The following ARL15 variants were observed in gnomAD, a reference collection of about 807,000 sequenced individuals.
ARL15 encodes the protein ARF like GTPase 15.
ARL15 carries 19 observed loss-of-function variants against 25.2 expected under a neutral mutation model. The ratio of observed to expected loss-of-function variants is 0.75; its 90% CI spans 0.53 to 1.10. The LOEUF (loss-of-function observed/expected upper bound fraction) is 1.10, where lower values mean the gene tolerates loss of function less well. Ranked by LOEUF, ARL15 falls within the 50% of genes least tolerant of loss-of-function variation. ARL15 has a pLI of 0.00. For synonymous variants in ARL15, 94 were observed against 86.8 expected, an observed-to-expected ratio of 1.08 and a Z score of -0.46; for missense variants, 220 against 246.0, an observed-to-expected ratio of 0.89 and a Z score of 0.71.
chr5:54,232,863 C>T (rs1435182644), intron 1 of ARL15, among the ~76,000 whole-genome samples: 2 of 152,210 alleles, frequency 1.3e-5, no homozygotes, highest in East Asian at 1.9e-4. Flanking sequence ...GGCTTCACAA[C>T]ACCCAGTTCT....
chr5:53,967,628 C>T (rs1015624439), intron 4 of ARL15, among the ~76,000 whole-genome samples: 12 of 152,230 alleles, frequency 7.9e-5, no homozygotes, highest in South Asian at 2.1e-4. Flanking sequence ...TAACCTAAGA[C>T]TTGTGAGGTG....
intron 4 of ARL15, among the ~76,000 whole-genome samples, chr5:54,088,736 C>T (rs906876530): frequency 6.6e-6 from 1 of 152,186 alleles, no homozygotes; most frequent in African/African-American, 2.4e-5. Context: ...CCTTTTCATA[C>T]TGTAAGTGTT....
chr5:54,132,283 T>C (rs1191246954), intron 3 of ARL15, among the ~76,000 whole-genome samples: 2 of 152,074 alleles, frequency 1.3e-5, no homozygotes, highest in African/African-American at 4.8e-5. Flanking sequence ...TCTCCAAATT[T>C]AATGAATATG....
chr5:54,129,835 T>C (rs1753378461), intron 3 of ARL15, among the ~76,000 whole-genome samples: 1 of 152,250 alleles, frequency 6.6e-6, no homozygotes, highest in Non-Finnish European at 1.5e-5. Flanking sequence ...TTTTGGTATA[T>C]ATCTAAAAGA....
chr5:53,965,624 CT>C (rs755943456), intron 4 of ARL15, among the ~76,000 whole-genome samples: 191 of 142,092 alleles, frequency 1.3e-3, no homozygotes, highest in African/African-American at 2.1e-3. Context: ...TTCTGTTTTT[CT>C]TTTTTTTTTT....
chr5:53,917,627 G>T (rs1366121578), intron 4 of ARL15, among the ~76,000 whole-genome samples: 1 of 152,120 alleles, frequency 6.6e-6, no homozygotes, highest in Non-Finnish European at 1.5e-5. Flanking sequence ...TTACAAATGT[G>T]ACCAGTTTAT....
chr5:53,886,625 T>C lies in ARL15; in HGVS notation c.551A>G (p.Lys184Arg). The part of the protein sequence containing the change: ...PCSLDDMDAL[K>R]DSFSQLINLL... ...ATTAATCAGCTGAGAGAAGCTGTCTTTCAGTGCATCCATGTCATCCAGTGA... is the reference window on the plus strand; with the variant it reads ...ATTAATCAGCTGAGAGAAGCTGTCTCTCAGTGCATCCATGTCATCCAGTGA... The change falls in exon 5 of 5, where the codon AAA becomes AGA. Residue 184 changes from lysine to arginine, a missense_variant. Transcript: ENST00000504924. 6.4e-7 allele frequency: 1 copy of C among 1,569,740 alleles called. No individual in the cohort carries two copies. The highest frequency in any genetic ancestry group is 2.3e-5 in the East Asian group (1 of 42,964).
chr5:53,892,271 C>G (rs1744738646), intron 4 of ARL15, among the ~76,000 whole-genome samples: 1 of 152,228 alleles, frequency 6.6e-6, no homozygotes, highest in African/African-American at 2.4e-5. Context: ...AAACAGGTCT[C>G]ATGAAGGAGT....
intron 2 of ARL15, among the ~76,000 whole-genome samples, chr5:54,157,502 C>T (rs537852912): frequency 3.3e-5 from 5 of 152,268 alleles, no homozygotes; most frequent in African/African-American, 1.2e-4. Context: ...ACCTCCATCT[C>T]CCGGGTTCAC....
chr5:54,045,485 G>A (rs1271829757), intron 4 of ARL15, among the ~76,000 whole-genome samples: 2 of 151,888 alleles, frequency 1.3e-5, no homozygotes, highest in Non-Finnish European at 2.9e-5. Context: ...CGTCATATCA[G>A]ATACAGATTG....
chr5:54,279,392 T>C (rs902994196), intron 1 of ARL15, among the ~76,000 whole-genome samples: 1 of 152,186 alleles, frequency 6.6e-6, no homozygotes, highest in South Asian at 2.1e-4. Flanking sequence ...GGTCAGTTTC[T>C]GTTGAGGGAT....
At position 54,168,647 on chromosome 5, in the gene ARL15, G is replaced by A. The variant is rs554247406; in HGVS notation, c.193+3137C>T. 1.4e-4 allele frequency among the ~76,000 whole-genome samples: 21 copies of A among 152,006 alleles called. No homozygotes were observed. The South Asian group carries it at 3.7e-3, about 27-fold the overall frequency. On this transcript the variant is annotated intron_variant, in intron 2 of 4. Transcript: ENST00000504924. Reference sequence around the variant, plus strand: ...TCTCTGCATGCTGTGCCTTAACCCAGTAAGACCACTAATCTTTCTCTGAAT... The same window carrying A: ...TCTCTGCATGCTGTGCCTTAACCCAATAAGACCACTAATCTTTCTCTGAAT...
intron 4 of ARL15, among the ~76,000 whole-genome samples, chr5:54,067,665 G>T (rs55954815): frequency 0.015 from 2,314 of 152,286 alleles, 20 homozygotes; most frequent in Admixed American, 0.021. Flanking sequence ...CCAGAGCAAT[G>T]AACAATTTAG....
intron 1 of ARL15, among the ~76,000 whole-genome samples, chr5:54,248,853 C>G (rs1757162237): frequency 6.6e-6 from 1 of 152,018 alleles, no homozygotes; most frequent in Non-Finnish European, 1.5e-5. Context: ...CTCCCCAAGA[C>G]AGAAAAAGAG....
At chr5:54,069,186 G>A (rs543551438) in intron 4 of ARL15, among the ~76,000 whole-genome samples, 4 of 152,140 alleles carry the variant, frequency 2.6e-5, no homozygotes, top group Admixed American at 2.0e-4. Flanking sequence ...TGGATGATGA[G>A]GGTAATAATG....
In ARL15 at chr5:53,903,931, T is replaced by A. The variant is rs191969828; in HGVS notation, c.463-17218A>T. Among the ~76,000 whole-genome samples, 101 of 152,272 alleles carry A rather than the reference T, an allele frequency of 6.6e-4. 1 individual carries two copies. Among genetic ancestry groups the A allele is most frequent in the African/African-American group, 2.3e-3 (96 of 41,554 alleles). Reference sequence around the variant, plus strand: ...ATGGAGCTTACATGGTGGCCAGCGATACTGACAGATATCAAGTAACTAAGT... The same window carrying A: ...ATGGAGCTTACATGGTGGCCAGCGAAACTGACAGATATCAAGTAACTAAGT... On this transcript the variant is annotated intron_variant, in intron 4 of 4. Transcript: ENST00000504924.
chr5:53,978,837 A>C (rs1748030709), intron 4 of ARL15, among the ~76,000 whole-genome samples: 1 of 152,164 alleles, frequency 6.6e-6, no homozygotes, highest in African/African-American at 2.4e-5. Flanking sequence ...AATTGAGGTT[A>C]AGTTTCTATA....
chr5:54,013,540 A>G lies in ARL15; in HGVS notation c.462+99662T>C, dbSNP rs192560494. Reference sequence around the variant, plus strand: ...AAGCCACAAGATTAGAATTATGGGAAGGGCCTGAATTCTGGTAAGATGCAG... The same window carrying G: ...AAGCCACAAGATTAGAATTATGGGAGGGGCCTGAATTCTGGTAAGATGCAG... On this transcript the variant is annotated intron_variant, in intron 4 of 4. Transcript: ENST00000504924. Among the ~76,000 whole-genome samples the G allele has an allele frequency of 5.4e-3, 824 of 152,346 alleles. 4 individuals are homozygous for G. Among genetic ancestry groups the G allele is most frequent in the Admixed American group, 0.011 (169 of 15,304 alleles).
chr5:54,252,188 A>C (rs932304708), intron 1 of ARL15, among the ~76,000 whole-genome samples: 1 of 152,168 alleles, frequency 6.6e-6, no homozygotes, highest in Non-Finnish European at 1.5e-5. Context: ...ATGTGTTAGG[A>C]AACTCCTGAA....
Sources: gnomAD v4.1 joint callset for allele counts (sites outside exome capture counted in the v4.1 genomes callset) on GRCh38, gnomAD v4.1.1 for gene constraint, MANE v1.5 for transcripts, NCBI Gene and HGNC (gene_info 2026-07-23, HGNC 2026-07-21) for gene names.